Variants in SERPINE2 observed in about 807,000 individuals in gnomAD.
The protein encoded by SERPINE2 is glia-derived nexin.
In SERPINE2, 14 loss-of-function variants were observed where a neutral mutation model predicts 36.3. That is an observed-to-expected ratio of 0.39 (90% CI 0.25 to 0.60). The LOEUF is 0.60. Ranked by LOEUF, SERPINE2 falls within the 20% of genes least tolerant of loss-of-function variation. The pLI is 0.57. For synonymous variants in SERPINE2, 192 were observed against 191.8 expected (o/e 1.00, Z -0.01); for missense variants, 418 against 499.6 (o/e 0.84, Z 1.56).
chr2:223,991,885 G>A lies in SERPINE2; in HGVS notation c.603C>T (p.Asn201=), dbSNP rs772236001. 13 of 1,613,330 alleles carry A rather than the reference G, an allele frequency of 8.1e-6. No homozygotes were observed. In the East Asian group the frequency reaches 2.9e-4, roughly 36 times the overall value. ...GLWKSRFQPE[N]TKKRTFVAAD... is the part of the protein sequence containing the mutation. ...CTGCCACGAAAGTGCGTTTCTTTGT[G>A]TTCTCGGGTTGGAACCGTGATTTCC... Residue 201 remains asparagine, a synonymous_variant, in exon 4 of 9, where the codon AAC becomes AAT. Transcript: ENST00000409304.
At position 224,037,487 on chromosome 2, in the gene SERPINE2, T is replaced by C. The variant is rs138474626; in HGVS notation, c.-23+1612A>G. On this transcript the variant is annotated intron_variant, in intron 1 of 8. Transcript: ENST00000409304. ...GGTAGCTGGAGTACATGGAAGACAC[T>C]GGATTTGAGACAGTCAAGGAAGTGC... Among the ~76,000 whole-genome samples, 9 of 152,256 alleles carry C rather than the reference T, an allele frequency of 5.9e-5. No individual in the cohort carries two copies. The East Asian group carries it at 1.5e-3, about 26-fold the overall frequency.
At chr2:224,036,350 A>C (rs1692534289) in intron 1 of SERPINE2, among the ~76,000 whole-genome samples, 1 of 151,892 alleles carries the variant, frequency 6.6e-6, no homozygotes, top group Non-Finnish European at 1.5e-5. Flanking sequence ...AAAAAAAAAA[A>C]AACCATCAGA....
chr2:224,012,860 C>T (rs758755923), intron 1 of SERPINE2, among the ~76,000 whole-genome samples: 8 of 152,036 alleles, frequency 5.3e-5, no homozygotes, highest in Non-Finnish European at 8.8e-5. Context: ...ACAACAGTGG[C>T]TAAACCAAAG....
intron 1 of SERPINE2, chr2:224,031,566 A>C: frequency 1.1e-6 from 1 of 922,108 alleles, no homozygotes. Flanking sequence ...TGACCACGTG[A>C]CCTAGCATCA....
intron 8 of SERPINE2, among the ~76,000 whole-genome samples, chr2:223,977,066 C>T (rs1193418712): frequency 2.0e-5 from 3 of 152,144 alleles, no homozygotes; most frequent in Admixed American, 6.5e-5. Flanking sequence ...TGCCTTCCAC[C>T]GTAATTGTGA....
intron 1 of SERPINE2, among the ~76,000 whole-genome samples, chr2:224,007,091 T>C (rs748100492): frequency 6.6e-6 from 1 of 152,248 alleles, no homozygotes; most frequent in Non-Finnish European, 1.5e-5. Flanking sequence ...TAATAAATTC[T>C]TTTTATGAAA....
At chr2:224,000,154 G>A (rs1691056056) in intron 2 of SERPINE2, among the ~76,000 whole-genome samples, 1 of 152,222 alleles carries the variant, frequency 6.6e-6, no homozygotes, top group Admixed American at 6.5e-5. Context: ...GTGCAGTCAA[G>A]ATTCTCAGAA....
At chr2:223,977,858 T>C in intron 7 of SERPINE2, 2 of 479,154 alleles carry the variant, frequency 4.2e-6, no homozygotes, top group South Asian at 5.1e-5. Flanking sequence ...ACAAGCACCA[T>C]CTCTGATAAA....
intron 1 of SERPINE2, chr2:224,030,910 GA>G: frequency 1.0e-6 from 1 of 967,660 alleles, no homozygotes; most frequent in Non-Finnish European, 1.2e-6. Flanking sequence ...TTCAGTCCCA[GA>G]AAAAAACAAG....
At chr2:224,019,750 C>CTTTTCT (rs1553549393) in intron 1 of SERPINE2, among the ~76,000 whole-genome samples, 30 of 58,232 alleles carry the variant, frequency 5.2e-4, no homozygotes, top group Non-Finnish European at 1.0e-3. Flanking sequence ...TTGAGGAAGT[C>CTTTTCT]TTTTTTTTTT....
intron 4 of SERPINE2, among the ~76,000 whole-genome samples, chr2:223,987,491 T>A (rs1181202327): frequency 6.6e-6 from 1 of 152,230 alleles, no homozygotes; most frequent in East Asian, 1.9e-4. Flanking sequence ...CGATGCTCTC[T>A]ATTCTTTAAC....
At chr2:224,038,649 G>T in intron 1 of SERPINE2, 1 of 758,462 alleles carries the variant, frequency 1.3e-6, no homozygotes, top group Non-Finnish European at 2.3e-6. Flanking sequence ...ACAAGTAAGA[G>T]TGCGCCAGTC....
chr2:224,000,442 A>T (rs1253751246), intron 2 of SERPINE2, among the ~76,000 whole-genome samples: 1 of 152,102 alleles, frequency 6.6e-6, no homozygotes, highest in Non-Finnish European at 1.5e-5. Flanking sequence ...TTTTTCTTTA[A>T]CTCAAACTAA....
chr2:223,991,841 T>G lies in SERPINE2; in HGVS notation c.647A>C (p.Gln216Pro), dbSNP rs764641421. 1.2e-6 allele frequency: 2 copies of G among 1,613,502 alleles called. No individual in the cohort carries two copies. Among genetic ancestry groups the G allele is most frequent in the African/African-American group, 2.7e-5 (2 of 74,880 alleles). The change falls in exon 4 of 9, where the codon CAA (glutamine) becomes CCA (proline). Residue 216 changes from glutamine to proline, a missense_variant. Gln to Pro is a moderately conservative substitution (Grantham distance 76). Transcript: ENST00000409304. ...GGAGAGCTGGGCCAGCATTGGCACT[T>G]GATAGGATTTCCCGTCGGCTGCCAC... ...TFVAADGKSYQVPMLAQLSVF... is the reference protein window; with the variant it reads ...TFVAADGKSYPVPMLAQLSVF...
intron 1 of SERPINE2, among the ~76,000 whole-genome samples, chr2:224,029,884 G>C (rs1459421882): frequency 6.6e-6 from 1 of 152,154 alleles, no homozygotes; most frequent in Non-Finnish European, 1.5e-5. Flanking sequence ...ATTTTTAGTA[G>C]AGACAGGGTT....
At chr2:223,995,202 G>C (rs1011340933) in intron 3 of SERPINE2, among the ~76,000 whole-genome samples, 4 of 152,124 alleles carry the variant, frequency 2.6e-5, no homozygotes, top group Non-Finnish European at 5.9e-5. Flanking sequence ...ATCCCTGATG[G>C]GTCTCCTCCT....
chr2:223,983,472 C>A (rs1424098228), intron 5 of SERPINE2, among the ~76,000 whole-genome samples: 1 of 152,040 alleles, frequency 6.6e-6, no homozygotes, highest in Non-Finnish European at 1.5e-5. Flanking sequence ...CCAGGCTAGT[C>A]TGGAACTCCT....
At chr2:224,022,584 A>G (rs556525096) in intron 1 of SERPINE2, among the ~76,000 whole-genome samples, 1 of 152,244 alleles carries the variant, frequency 6.6e-6, no homozygotes, top group South Asian at 2.1e-4. Flanking sequence ...AGACACTCCC[A>G]ATCTCTGGAA....
At chr2:224,008,569 C>G (rs1387028289) in intron 1 of SERPINE2, among the ~76,000 whole-genome samples, 1 of 152,218 alleles carries the variant, frequency 6.6e-6, no homozygotes, top group Non-Finnish European at 1.5e-5. Context: ...CCTCTTCACA[C>G]TCGTTCTTAA....
Sources: gnomAD v4.1 joint callset for allele counts (sites outside exome capture counted in the v4.1 genomes callset) on GRCh38, gnomAD v4.1.1 for gene constraint, MANE v1.5 for transcripts, NCBI Gene and HGNC (gene_info 2026-07-23, HGNC 2026-07-21) for gene names.